The following PRTG variants were observed in gnomAD, a reference collection of about 807,000 sequenced individuals.
The protein encoded by PRTG is immunoglobulin superfamily, DCC subclass, member 5.
In PRTG, 67 loss-of-function variants were observed where a neutral mutation model predicts 122.5. The ratio of observed to expected loss-of-function variants is 0.55; its 90% confidence interval spans 0.45 to 0.67. The LOEUF is 0.67. Ranked by LOEUF, PRTG falls within the 30% of genes least tolerant of loss-of-function variation. The pLI, the probability that PRTG is intolerant of heterozygous loss-of-function variation, is 0.00. For missense variants in PRTG, 1,435 were observed against 1,415.4 expected, an observed-to-expected ratio of 1.01 and a Z score of -0.22; for synonymous variants, 554 against 501.1, an observed-to-expected ratio of 1.11 and a Z score of -1.41.
At position 55,682,351 on chromosome 15, in the gene PRTG, C is replaced by G. The variant is rs1378725609; in HGVS notation, c.676+13G>C. On this transcript the variant is annotated intron_variant, in intron 4 of 19. Transcript: ENST00000389286. ...AAACGTCATAAAAATGGAAAAACCA[C>G]TCTGCGTGGTACCTGGAATCACAGT... 15 of 1,565,702 alleles carry G rather than the reference C, an allele frequency of 9.6e-6. No homozygotes were observed. The South Asian group carries it at 1.3e-4, about 14-fold the overall frequency.
At chr15:55,626,768 A>G (rs188612063) in intron 17 of PRTG, among the ~76,000 whole-genome samples, 80 of 149,804 alleles carry the variant, frequency 5.3e-4, no homozygotes, top group African/African-American at 2.0e-3. Flanking sequence ...AAAAAAATAA[A>G]AGAAAAGAAA....
At chr15:55,731,196 T>C (rs1339617256) in intron 2 of PRTG, among the ~76,000 whole-genome samples, 1 of 151,878 alleles carries the variant, frequency 6.6e-6, no homozygotes, top group African/African-American at 2.4e-5. Context: ...CTTCTAATTG[T>C]TAGCTTCTTT....
At chr15:55,728,885 G>A (rs995173860) in intron 2 of PRTG, among the ~76,000 whole-genome samples, 3 of 152,176 alleles carry the variant, frequency 2.0e-5, no homozygotes, top group Admixed American at 6.5e-5. Flanking sequence ...GCTAATAAAT[G>A]AATTCAGAAG....
chr15:55,634,848 A>G (rs2059247676), intron 15 of PRTG, among the ~76,000 whole-genome samples: 1 of 152,068 alleles, frequency 6.6e-6, no homozygotes, highest in African/African-American at 2.4e-5. Flanking sequence ...CAAAAAAAAA[A>G]AAGAATACTG....
In PRTG at chr15:55,683,901, G is replaced by A. The variant is rs369154945; in HGVS notation, c.428C>T (p.Ser143Phe). ...AACTCCACCTTCGTGGACCTCAGTGGAAATTGGCTGGACTTCAAATGCAGA... is the reference window on the plus strand; with the variant it reads ...AACTCCACCTTCGTGGACCTCAGTGAAAATTGGCTGGACTTCAAATGCAGA... The part of the protein sequence containing the change: ...TISAFEVQPI[S>F]TEVHEGGVAR... The change falls in exon 3 of 20, where the codon TCC becomes TTC. Residue 143 changes from serine (S) to phenylalanine (F), a missense_variant. By Grantham distance (155) the Ser-to-Phe change is radical. Coordinates refer to ENST00000389286, the MANE Select transcript of PRTG (RefSeq NM_173814.6). 1 of 1,613,516 alleles carries A rather than the reference G, an allele frequency of 6.2e-7. No homozygotes were observed. Among genetic ancestry groups the A allele is most frequent in the African/African-American group, 1.3e-5 (1 of 74,898 alleles).
intron 11 of PRTG, among the ~76,000 whole-genome samples, chr15:55,663,181 T>C (rs181860613): frequency 6.6e-6 from 1 of 152,264 alleles, no homozygotes; most frequent in Admixed American, 6.5e-5. Flanking sequence ...GTCCTGTGGG[T>C]TCTACATTCA....
intron 11 of PRTG, among the ~76,000 whole-genome samples, chr15:55,656,946 C>T (rs28557162): frequency 0.089 from 13,609 of 152,290 alleles, 667 homozygotes; most frequent in Non-Finnish European, 0.1. Flanking sequence ...AGCTGTCAGA[C>T]TTCTAGTAAG....
intron 2 of PRTG, among the ~76,000 whole-genome samples, chr15:55,718,661 G>A (rs1262955834): frequency 1.3e-5 from 2 of 151,280 alleles, no homozygotes; most frequent in Non-Finnish European, 2.9e-5. Flanking sequence ...AATCATGCAA[G>A]TTTTTAAATA....
intron 11 of PRTG, among the ~76,000 whole-genome samples, chr15:55,662,791 T>C (rs2059417202): frequency 6.6e-6 from 1 of 152,230 alleles, no homozygotes; most frequent in South Asian, 2.1e-4. Flanking sequence ...ACTTCTTTTG[T>C]TTCACAATTA....
At chr15:55,727,849 C>G (rs867190080) in intron 2 of PRTG, among the ~76,000 whole-genome samples, 2 of 152,218 alleles carry the variant, frequency 1.3e-5, no homozygotes, top group Middle Eastern at 3.4e-3. Context: ...GGTGACTTCA[C>G]AAGTGAATTC....
intron 15 of PRTG, 73 bp downstream of exon 15, chr15:55,637,097 T>G: frequency 3.4e-6 from 4 of 1,179,042 alleles, no homozygotes; most frequent in African/African-American, 1.5e-5. Context: ...AAACTCTAGA[T>G]TCCCCTTTCC....
intron 14 of PRTG, among the ~76,000 whole-genome samples, chr15:55,637,933 T>G (rs987325107): frequency 2.0e-5 from 3 of 152,206 alleles, no homozygotes; most frequent in Non-Finnish European, 4.4e-5. Context: ...ATATGGAATA[T>G]TGCCAAAACC....
In PRTG at chr15:55,680,624, C is replaced by T. The variant is rs2141813042; in HGVS notation, c.681G>A (p.Lys227=). 1.3e-6 allele frequency: 2 copies of T among 1,520,560 alleles called. No homozygotes were observed. Among genetic ancestry groups the T allele is most frequent in the East Asian group, 4.7e-5 (2 of 42,778 alleles). 94.2% of individuals were successfully genotyped at this position (1,520,560 alleles called of 1,614,324 possible). Residue 227 remains lysine, a synonymous_variant, in exon 5 of 20, where the codon AAG becomes AAA. Transcript: ENST00000389286. ...TTGGTGTGTGGAAGGATTTTGACTC[C>T]TTAGCTTTGGGGAGGAAAAGACAGA... The part of the protein sequence containing the change: ...MEASLTVIPA[K]ESKSFHTPTI...
intron 18 of PRTG, among the ~76,000 whole-genome samples, chr15:55,623,339 G>A (rs1057280826): frequency 7.9e-5 from 12 of 152,056 alleles, no homozygotes; most frequent in East Asian, 5.8e-4. Flanking sequence ...AGGCCAAGGC[G>A]GGCAGATCAT....
intron 2 of PRTG, among the ~76,000 whole-genome samples, chr15:55,716,344 G>C (rs778977188): frequency 6.6e-6 from 1 of 152,148 alleles, no homozygotes; most frequent in Admixed American, 6.5e-5. Context: ...CCAAGATTGA[G>C]CTTTTTTCAG....
chr15:55,722,688 A>G (rs1435210051), intron 2 of PRTG, among the ~76,000 whole-genome samples: 1 of 152,222 alleles, frequency 6.6e-6, no homozygotes, highest in Non-Finnish European at 1.5e-5. Flanking sequence ...CCATTTCTGG[A>G]AAATCGTAGA....
At chr15:55,698,839 G>C (rs776246087) in intron 2 of PRTG, among the ~76,000 whole-genome samples, 5 of 152,050 alleles carry the variant, frequency 3.3e-5, no homozygotes, top group Non-Finnish European at 5.9e-5. Context: ...TAGAAAAAAA[G>C]GAGCAGTACA....
rs532899328 is a variant in PRTG at position 55,613,085 on chromosome 15, A to T, written c.*6927T>A. On this transcript the variant is annotated 3_prime_UTR_variant, in exon 20 of 20. Coordinates refer to ENST00000389286, the MANE Select transcript of PRTG (RefSeq NM_173814.6). Reference sequence around the variant, plus strand: ...AGTACTATTGTTTCATTTTGCACAAAAAAATTATCCTCATTTCATGGATGG... The same window carrying T: ...AGTACTATTGTTTCATTTTGCACAATAAAATTATCCTCATTTCATGGATGG... 1 of 152,164 alleles carries T rather than the reference A, an allele frequency of 6.6e-6. No individual in the cohort carries two copies. The highest frequency in any genetic ancestry group is 1.5e-5 in the Non-Finnish European group (1 of 67,940). 9.4% of individuals were successfully genotyped at this position (152,164 alleles called of 1,614,324 possible). A position where few individuals can be genotyped will look rare whatever the true frequency, so the allele number is the denominator to read the frequency against.
chr15:55,658,911 T>G (rs964857393), intron 11 of PRTG, among the ~76,000 whole-genome samples: 18 of 152,316 alleles, frequency 1.2e-4, no homozygotes, highest in East Asian at 9.6e-4. Context: ...TGACCCCAGT[T>G]AGATGTATTT....
Sources: gnomAD v4.1 joint callset for allele counts (sites outside exome capture counted in the v4.1 genomes callset) on GRCh38, gnomAD v4.1.1 for gene constraint, MANE v1.5 for transcripts, NCBI Gene and HGNC (gene_info 2026-07-23, HGNC 2026-07-21) for gene names.